The following FANCI variants were observed in gnomAD, a reference collection of about 807,000 sequenced individuals.
The protein encoded by FANCI is FA complementation group I, also known as Fanconi anemia group I protein.
In FANCI, 156 loss-of-function variants were observed where a neutral mutation model predicts 176.1. The observed-to-expected ratio is 0.89, with a 90% CI of 0.78 to 1.01. The LOEUF (loss-of-function observed/expected upper bound fraction) is 1.01, where lower values mean the gene tolerates loss of function less well. Among genes scored for constraint, FANCI ranks in the 50% least tolerant of loss-of-function variants. The pLI, the probability that FANCI is intolerant of heterozygous loss-of-function variation, is 0.00. For missense variants in FANCI, 1,678 were observed against 1,534.1 expected, an observed-to-expected ratio of 1.09 and a Z score of -1.57; for synonymous variants, 613 against 541.7, an observed-to-expected ratio of 1.13 and a Z score of -1.83.
In FANCI at chr15:89,293,992, TTTCAGGTAAGG is replaced by T; in HGVS notation, c.2455_2456+9del. The T allele has an allele frequency of 6.2e-7, 1 of 1,614,158 alleles. No individual in the cohort carries two copies. Among genetic ancestry groups the T allele is most frequent in the Non-Finnish European group, 8.5e-7 (1 of 1,180,010 alleles). ...TTGTGTCCAGTCTTCTCACTGCTCT[TTTCAGGTAAGG>T]TTCTGCTAGAGTGCTTAAAGACAGC... On this transcript the variant is annotated splice_donor_variant and splice_donor_5th_base_variant and coding_sequence_variant and intron_variant, in exon 23 of 38. Transcript: ENST00000310775. LOFTEE classifies it high-confidence loss of function.
At chr15:89,263,025 C>T (rs181989928) in intron 6 of FANCI, among the ~76,000 whole-genome samples, 27 of 152,244 alleles carry the variant, frequency 1.8e-4, no homozygotes, top group African/African-American at 6.3e-4. Flanking sequence ...TGAGCCACTG[C>T]ACCTGGCCTG....
chr15:89,268,650 T>TA, intron 10 of FANCI, 125 bp downstream of exon 10: 1 of 1,164,314 alleles, frequency 8.6e-7, no homozygotes, highest in Non-Finnish European at 1.2e-6. Context: ...GTGGAGGATC[T>TA]CTTTTTTTTT....
At chr15:89,292,886 G>C in intron 21 of FANCI, 22 bp downstream of exon 21, 1 of 1,614,092 alleles carries the variant, frequency 6.2e-7, no homozygotes, top group Non-Finnish European at 8.5e-7. Flanking sequence ...GTCCTCAGCT[G>C]TATTGAATGA....
intron 19 of FANCI, among the ~76,000 whole-genome samples, chr15:89,290,835 T>C (rs983134472): frequency 6.6e-6 from 1 of 152,214 alleles, no homozygotes; most frequent in Non-Finnish European, 1.5e-5. Flanking sequence ...TGCTTTGTGA[T>C]AGTTATGAAA....
intron 22 of FANCI, among the ~76,000 whole-genome samples, chr15:89,293,595 G>T (rs185462546): frequency 6.6e-6 from 1 of 152,280 alleles, no homozygotes; most frequent in East Asian, 1.9e-4. Context: ...GGCTGAGGCA[G>T]GGGAATCACT....
In FANCI at chr15:89,277,630, A is replaced by AAG. The variant is rs1555445435; in HGVS notation, c.1293+740_1293+741insGA. 1.1e-3 allele frequency among the ~76,000 whole-genome samples: 156 copies of AAG among 146,156 alleles called. 1 individual carries two copies. Among genetic ancestry groups the AAG allele is most frequent in the Middle Eastern group, 3.5e-3 (1 of 284 alleles). ...CTATCTCAAAAAAAAAAAAAAAAAA[A>AAG]AAGAATCATACTTATTGGTTCATTG... On this transcript the variant is annotated intron_variant, in intron 13 of 37. Coordinates refer to ENST00000310775, the MANE Select transcript of FANCI (RefSeq NM_001113378.2).
chr15:89,245,220 GTGCAGTGGCGCGATCTCGGCTC>G (rs2051900509), intron 1 of FANCI: 1 of 150,444 alleles, frequency 6.6e-6, no homozygotes, highest in Non-Finnish European at 1.5e-5. Flanking sequence ...CCAGGCTGGA[GTGCAGTGGCGCGATCTCGGCTC>G]ACTGCAACCT....
In FANCI at chr15:89,303,865, T is replaced by G. The variant is rs2054614736; in HGVS notation, c.3008T>G (p.Phe1003Cys). The G allele has an allele frequency of 6.2e-7, 1 of 1,613,610 alleles. No homozygotes were observed. The highest frequency in any genetic ancestry group is 8.5e-7 in the Non-Finnish European group (1 of 1,179,668). The change falls in exon 28 of 38, where the codon TTT becomes TGT. Residue 1003 changes from phenylalanine (F) to cysteine (C), a missense_variant and splice_region_variant. Physicochemically the swap from Phe to Cys is radical, Grantham distance 205. Coordinates refer to ENST00000310775, the MANE Select transcript of FANCI (RefSeq NM_001113378.2). ...SKLLEPSSPQ[F>C]VQMLSWTSKI... ...ATATCTGAATGATCTCTAATTTAGT[T>G]TGTGCAGATGTTATCCTGGACATCA...
intron 34 of FANCI, 146 bp from the exon 35 acceptor site, chr15:89,312,758 A>T: frequency 1.5e-6 from 1 of 656,430 alleles, no homozygotes; most frequent in Non-Finnish European, 2.6e-6. Context: ...CGCAGAGGTT[A>T]CAGTGGGTCG....
chr15:89,282,678 A>G (rs2053660240), intron 16 of FANCI: 1 of 234,724 alleles, frequency 4.3e-6, no homozygotes, highest in African/African-American at 2.2e-5. Flanking sequence ...TTTAACATGA[A>G]TTAATCATTG....
At chr15:89,259,946 G>T (rs931907464) in intron 3 of FANCI, among the ~76,000 whole-genome samples, 4 of 152,076 alleles carry the variant, frequency 2.6e-5, no homozygotes, top group African/African-American at 9.7e-5. Flanking sequence ...ATGAACATTT[G>T]TGTATAAATT....
chr15:89,288,542 TATG>T (rs1220135535), intron 18 of FANCI, among the ~76,000 whole-genome samples: 1 of 152,132 alleles, frequency 6.6e-6, no homozygotes, highest in African/African-American at 2.4e-5. Context: ...TTTTTTTTAA[TATG>T]ATCCTTTTAC....
In FANCI at chr15:89,281,834, A is replaced by T; in HGVS notation, c.1582A>T (p.Asn528Tyr). Residue 528 changes from asparagine to tyrosine, a missense_variant and splice_region_variant, in exon 16 of 38, where the codon AAC becomes TAC. Transcript: ENST00000310775. The stretch of plus-strand genomic sequence containing the variant: ...TGTCCTTCGGAAAGCTATGTTTGCC[A>T]AGTATGTAGCATCTTTTTCTATCAT... ...ILVLRKAMFA[N>Y]QLDARKSAVA... 6.2e-7 allele frequency: 1 copy of T among 1,613,558 alleles called. No individual in the cohort carries two copies. Among genetic ancestry groups the T allele is most frequent in the Non-Finnish European group, 8.5e-7 (1 of 1,179,638 alleles).
In FANCI at chr15:89,292,935, C is replaced by G. The variant is rs759281018; in HGVS notation, c.2170-7C>G. On this transcript the variant is annotated splice_region_variant and splice_polypyrimidine_tract_variant and intron_variant, in intron 21 of 37. Coordinates refer to ENST00000310775, the MANE Select transcript of FANCI (RefSeq NM_001113378.2). ...TAGCTTGTTAATTTTTATCTTGTGTCTTTTAGGATAAATCAGCAGATTTTT... is the reference window on the plus strand; with the variant it reads ...TAGCTTGTTAATTTTTATCTTGTGTGTTTTAGGATAAATCAGCAGATTTTT... 5 of 1,614,014 alleles carry G rather than the reference C, an allele frequency of 3.1e-6. No individual in the cohort carries two copies. The highest frequency in any genetic ancestry group is 2.2e-5 in the East Asian group (1 of 44,842).
chr15:89,308,199 G>A (rs916221209), intron 34 of FANCI: 19 of 1,019,722 alleles, frequency 1.9e-5, no homozygotes, highest in Non-Finnish European at 2.1e-5. Flanking sequence ...GACATGTTGC[G>A]CTAGATAATT....
intron 15 of FANCI, 62 bp from the exon 16 acceptor site, chr15:89,281,703 T>G: frequency 6.8e-7 from 1 of 1,461,314 alleles, no homozygotes; most frequent in Admixed American, 1.7e-5. Context: ...CAGTATTGGG[T>G]AGAAATGACC....
intron 24 of FANCI, among the ~76,000 whole-genome samples, chr15:89,295,732 G>GGCCCCCCCC (rs2054236252): frequency 8.7e-6 from 1 of 114,460 alleles, no homozygotes; most frequent in African/African-American, 3.2e-5. Flanking sequence ...TTCCCCTGGC[G>GGCCCCCCCC]CCCCCCCCAC....
At chr15:89,304,333 A>T (rs1033307845) in intron 28 of FANCI, among the ~76,000 whole-genome samples, 1 of 152,258 alleles carries the variant, frequency 6.6e-6, no homozygotes, top group Non-Finnish European at 1.5e-5. Flanking sequence ...GCAAATAAGC[A>T]TGAACAAACT....
At chr15:89,268,176 C>G (rs1321157122) in intron 9 of FANCI, among the ~76,000 whole-genome samples, 1 of 152,180 alleles carries the variant, frequency 6.6e-6, no homozygotes, top group African/African-American at 2.4e-5. Context: ...CTCACGGCAA[C>G]GTCCACCTTC....
Sources: gnomAD v4.1 joint callset for allele counts (sites outside exome capture counted in the v4.1 genomes callset) on GRCh38, gnomAD v4.1.1 for gene constraint, MANE v1.5 for transcripts, NCBI Gene and HGNC (gene_info 2026-07-23, HGNC 2026-07-21) for gene names.